The following AKAP19 variants were observed in gnomAD, a reference collection of about 807,000 sequenced individuals.
AKAP19 encodes the protein small A-kinase anchoring protein.
the AKAP19 span, chr2:190,091,106 G>A: frequency 8.5e-5 from 13 of 152,252 alleles, no homozygotes; most frequent in East Asian, 2.5e-3. Context: ...TTTGAGAACT[G>A]AATTTTACTG....
chr2:190,201,615 T>C, the AKAP19 span: 2 of 167,054 alleles, frequency 1.2e-5, no homozygotes, highest in Non-Finnish European at 2.9e-5. Context: ...CACAATCAAA[T>C]AGAGTGAATT....
At chr2:190,040,310 A>G in the AKAP19 span, among the ~76,000 whole-genome samples, 52,679 of 152,098 alleles carry the variant, frequency 0.35, 12,930 homozygotes, top group African/African-American at 0.7. Context: ...TGGGCTGCAT[A>G]TATGTCTTCT....
the AKAP19 span, among the ~76,000 whole-genome samples, chr2:190,118,156 G>C: frequency 2.0e-5 from 3 of 152,224 alleles, no homozygotes; most frequent in Admixed American, 6.5e-5. Flanking sequence ...ACCCTCCCAA[G>C]ACTAAACCAG....
the AKAP19 span, chr2:190,199,661 T>C: frequency 8.9e-6 from 12 of 1,350,110 alleles, no homozygotes; most frequent in Admixed American, 2.1e-4. Flanking sequence ...TTTTGCATTC[T>C]GTAACTTCAA....
At chr2:189,949,153 A>T in the AKAP19 span, among the ~76,000 whole-genome samples, 23 of 152,202 alleles carry the variant, frequency 1.5e-4, no homozygotes, top group Non-Finnish European at 1.5e-5. Flanking sequence ...GTATACAAAA[A>T]GCCGGCCCTC....
At chr2:190,144,057 A>G in the AKAP19 span, among the ~76,000 whole-genome samples, 3 of 146,618 alleles carry the variant, frequency 2.0e-5, no homozygotes, top group African/African-American at 2.5e-5. Flanking sequence ...GTATTGGGAG[A>G]TATACCTAAT....
chr2:190,131,448 G>A, the AKAP19 span, among the ~76,000 whole-genome samples: 1 of 152,218 alleles, frequency 6.6e-6, no homozygotes, highest in Non-Finnish European at 1.5e-5. Context: ...GGAGGTTGAA[G>A]TGGCTTGAGA....
chr2:190,164,568 T>A, the AKAP19 span, among the ~76,000 whole-genome samples: 1 of 152,124 alleles, frequency 6.6e-6, no homozygotes, highest in African/African-American at 2.4e-5. Context: ...TAAAGGCAAA[T>A]AAAATTTATT....
chr2:189,936,692 A>G, the AKAP19 span, among the ~76,000 whole-genome samples: 2 of 152,226 alleles, frequency 1.3e-5, no homozygotes, highest in African/African-American at 4.8e-5. Flanking sequence ...TTCATGGTAT[A>G]GCTGTATACA....
chr2:190,128,423 A>G, the AKAP19 span, among the ~76,000 whole-genome samples: 1,543 of 152,326 alleles, frequency 0.01, 16 homozygotes, highest in Non-Finnish European at 0.015. Context: ...AAGGCAGCCA[A>G]ACTCTACCCA....
chr2:190,038,910 C>CTTA, the AKAP19 span, among the ~76,000 whole-genome samples: 2 of 105,246 alleles, frequency 1.9e-5, no homozygotes, highest in East Asian at 4.6e-4. Flanking sequence ...CTTTCTTCTT[C>CTTA]TTCTTCTTCT....
At chr2:189,964,655 AC>A in the AKAP19 span, among the ~76,000 whole-genome samples, 3 of 152,212 alleles carry the variant, frequency 2.0e-5, no homozygotes, top group African/African-American at 7.2e-5. Flanking sequence ...TTCACCTTGT[AC>A]TTTTATGTTA....
At chr2:189,894,522 C>G in the AKAP19 span, among the ~76,000 whole-genome samples, 1 of 152,028 alleles carries the variant, frequency 6.6e-6, no homozygotes, top group Non-Finnish European at 1.5e-5. Context: ...TTGAAACTAC[C>G]TAATCAATTT....
the AKAP19 span, among the ~76,000 whole-genome samples, chr2:189,887,480 T>TG: frequency 6.6e-6 from 1 of 152,366 alleles, no homozygotes; most frequent in Admixed American, 6.5e-5. Flanking sequence ...TATAATCCTT[T>TG]GGGTGTATAC....
chr2:190,151,875 C>T, the AKAP19 span, among the ~76,000 whole-genome samples: 5 of 151,904 alleles, frequency 3.3e-5, no homozygotes, highest in African/African-American at 7.3e-5. Flanking sequence ...TGGTGGCAGG[C>T]GCCTGTAATC....
At chr2:189,956,163 A>ATTTTTTTTT in the AKAP19 span, among the ~76,000 whole-genome samples, 4 of 48,758 alleles carry the variant, frequency 8.2e-5, no homozygotes, top group African/African-American at 3.6e-4. Flanking sequence ...TTACTAGTAT[A>ATTTTTTTTT]TTTTCTTTTT....
At chr2:190,031,953 A>G in the AKAP19 span, among the ~76,000 whole-genome samples, 1 of 152,172 alleles carries the variant, frequency 6.6e-6, no homozygotes, top group Non-Finnish European at 1.5e-5. Flanking sequence ...CAAAATATTG[A>G]TCTTCAGTGT....
the AKAP19 span, among the ~76,000 whole-genome samples, chr2:189,931,816 T>C: frequency 6.6e-6 from 1 of 151,812 alleles, no homozygotes; most frequent in Non-Finnish European, 1.5e-5. Context: ...AGAGATGGGG[T>C]TTCACCATGT....
the AKAP19 span, among the ~76,000 whole-genome samples, chr2:190,194,811 A>G: frequency 3.3e-5 from 5 of 151,960 alleles, no homozygotes; most frequent in African/African-American, 1.2e-4. Flanking sequence ...GATTGGCTTA[A>G]CTTAGTAATA....
Sources: allele counts gnomAD v4.1 joint callset (sites outside exome capture counted in the v4.1 genomes callset), GRCh38; gene constraint gnomAD v4.1.1; transcripts MANE v1.5; gene names NCBI Gene and HGNC (gene_info 2026-07-23, HGNC 2026-07-21).